The following CTSB variants were observed in gnomAD, a reference collection of about 807,000 sequenced individuals.
CTSB encodes the protein APP secretase.
A neutral mutation model predicts 44.3 loss-of-function variants in CTSB; 57 were observed. That is an observed-to-expected ratio of 1.29 (90% confidence interval 1.04 to 1.60). The LOEUF (loss-of-function observed/expected upper bound fraction) is 1.60, where lower values mean the gene tolerates loss of function less well. Among genes scored for constraint, CTSB ranks in the 40% most tolerant of loss-of-function variants. CTSB has a pLI of 0.00. For missense variants in CTSB, 768 were observed against 443.0 expected (o/e 1.73, Z -6.59); for synonymous variants, 320 against 168.0 (o/e 1.91, Z -7.00).
At chr8:11,860,077 A>T (rs973238561) in intron 1 of CTSB, among the ~76,000 whole-genome samples, 2 of 152,062 alleles carry the variant, frequency 1.3e-5, no homozygotes, top group Non-Finnish European at 2.9e-5. Flanking sequence ...GTCTCAGAGA[A>T]AAAAAAAGAA....
intron 1 of CTSB, chr8:11,865,621 G>A (rs903930534): frequency 9.3e-5 from 14 of 150,908 alleles, no homozygotes; most frequent in African/African-American, 2.4e-4. Flanking sequence ...AAGAAGAATC[G>A]ACATACCTGT....
chr8:11,858,915 T>C, intron 1 of CTSB, among the ~76,000 whole-genome samples: 1 of 152,234 alleles, frequency 6.6e-6, no homozygotes, highest in East Asian at 1.9e-4. Context: ...TTCTGTGCTT[T>C]CTGCTCTGCT....
intron 4 of CTSB, among the ~76,000 whole-genome samples, chr8:11,850,440 AAGAAAG>A (rs1814362279): frequency 3.7e-4 from 20 of 53,480 alleles, no homozygotes; most frequent in Admixed American, 3.6e-3. Flanking sequence ...AAAAAAAAAA[AAGAAAG>A]AAAAAGAAAA....
chr8:11,855,395 G>A (rs2150420461), intron 1 of CTSB, among the ~76,000 whole-genome samples: 1 of 152,326 alleles, frequency 6.6e-6, no homozygotes, highest in Admixed American at 6.5e-5. Flanking sequence ...GGTGGCTGAT[G>A]CCTATAATCC....
In CTSB at chr8:11,845,128, G is replaced by A; in HGVS notation, c.1017C>T (p.Ile339=). The part of the protein sequence containing the change: ...IPRTDQYWEK[I] ...GGCACGACAGGCCCACGGCAGATTA[G>A]ATCTTTTCCCAGTACTGATCGGTGC... Residue 339 remains isoleucine (I), a synonymous_variant, in exon 10 of 10, where the codon ATC becomes ATT. Transcript: ENST00000353047. 9.9e-6 allele frequency: 16 copies of A among 1,610,522 alleles called. No individual in the cohort carries two copies. Among genetic ancestry groups the A allele is most frequent in the Non-Finnish European group, 1.4e-5 (16 of 1,176,670 alleles).
In CTSB at chr8:11,847,694, G is replaced by C. The variant is rs767684959; in HGVS notation, c.661C>G (p.Gln221Glu). The C allele has an allele frequency of 6.4e-7, 1 of 1,574,000 alleles. No individual in the cohort carries two copies. Among genetic ancestry groups the C allele is most frequent in the Non-Finnish European group, 8.6e-7 (1 of 1,162,804 alleles). Residue 221 changes from glutamine (Q) to glutamate (E), a missense_variant, in exon 7 of 10, where the codon CAG (glutamine) becomes GAG (glutamate). Physicochemically the swap from Gln to Glu is conservative, Grantham distance 29 (BLOSUM62 2). Transcript: ENST00000353047. ...GGCCCCTTACCGTAGTGCTTGTCCT[G>C]TTTGTAGGTCGGGCTGTAGCCAGGC... is the stretch of plus-strand genomic sequence containing the variant. ...CEPGYSPTYK[Q>E]DKHYGYNSYS...
chr8:11,860,323 T>C (rs1186515616), intron 1 of CTSB, among the ~76,000 whole-genome samples: 3 of 151,970 alleles, frequency 2.0e-5, no homozygotes, highest in Non-Finnish European at 4.4e-5. Flanking sequence ...CATAGTCAGC[T>C]CTAAAGAATT....
At chr8:11,856,819 G>T (rs1380079751) in intron 1 of CTSB, among the ~76,000 whole-genome samples, 1 of 151,250 alleles carries the variant, frequency 6.6e-6, no homozygotes, top group Non-Finnish European at 1.5e-5. Flanking sequence ...CACTACGGTG[G>T]GGAGACTTTT....
intron 7 of CTSB, among the ~76,000 whole-genome samples, 184 bp from the exon 8 acceptor site, chr8:11,847,352 G>A (rs1311649536): frequency 1.3e-5 from 2 of 152,162 alleles, no homozygotes; most frequent in Non-Finnish European, 2.9e-5. Flanking sequence ...GGGGCTGGAA[G>A]CTCAGAAATG....
chr8:11,855,168 T>A (rs1348294731), intron 1 of CTSB, among the ~76,000 whole-genome samples: 1 of 152,154 alleles, frequency 6.6e-6, no homozygotes, highest in Non-Finnish European at 1.5e-5. Context: ...ATTACAGGCA[T>A]GTGCCATCAT....
chr8:11,862,534 T>G (rs1016882987), intron 1 of CTSB: 3 of 152,224 alleles, frequency 2.0e-5, no homozygotes, highest in Non-Finnish European at 2.9e-5. Flanking sequence ...GCCTTAAAAG[T>G]TGATTTGTTC....
In CTSB at chr8:11,843,944, A is replaced by C. The variant is rs1415399892; in HGVS notation, c.*1181T>G. On this transcript the variant is annotated 3_prime_UTR_variant, in exon 10 of 10. Transcript: ENST00000353047. Reference sequence around the variant, plus strand: ...CTACTCGGAAGGCTGAAGCAGGAGAATCGCTTGAATCTAGGAGGCTGCAGG... The same window carrying C: ...CTACTCGGAAGGCTGAAGCAGGAGACTCGCTTGAATCTAGGAGGCTGCAGG... 1 of 152,268 alleles carries C rather than the reference A, an allele frequency of 6.6e-6. No individual in the cohort carries two copies. Among genetic ancestry groups the C allele is most frequent in the African/African-American group, 2.4e-5 (1 of 41,478 alleles). 9.4% of individuals were successfully genotyped at this position (152,268 alleles called of 1,614,324 possible). A position where few individuals can be genotyped will look rare whatever the true frequency, so the allele number is the denominator to read the frequency against.
intron 3 of CTSB, among the ~76,000 whole-genome samples, chr8:11,851,749 C>G (rs989193532): frequency 2.6e-5 from 4 of 152,052 alleles, no homozygotes; most frequent in African/African-American, 9.7e-5. Context: ...TCACCGCAAC[C>G]TCTGCCTCCC....
intron 5 of CTSB, 87 bp downstream of exon 5, chr8:11,848,959 G>C: frequency 2.1e-6 from 2 of 944,120 alleles, no homozygotes; most frequent in South Asian, 1.4e-5. Flanking sequence ...AGCAGTCCCA[G>C]GAAGTCCTCA....
chr8:11,845,003 T>C lies in CTSB; in HGVS notation c.*122A>G. 2 of 688,430 alleles carry C rather than the reference T, an allele frequency of 2.9e-6. No individual in the cohort carries two copies. Among genetic ancestry groups the C allele is most frequent in the Admixed American group, 4.5e-5 (2 of 44,622 alleles). The allele number at this position is 688,430 out of a possible 1,614,324, so 42.6% of individuals were successfully genotyped here. On this transcript the variant is annotated 3_prime_UTR_variant, in exon 10 of 10. Coordinates refer to ENST00000353047, the MANE Select transcript of CTSB (RefSeq NM_001908.5). The stretch of plus-strand genomic sequence containing the variant: ...TGGTCTCCTTGGAAGACAGGTCTGA[T>C]GTTTGGCCAATCCAGTCCTTCAGAC...
At chr8:11,852,785 AC>A in intron 2 of CTSB, 90 bp from the exon 3 acceptor site, 1 of 1,256,386 alleles carries the variant, frequency 8.0e-7, no homozygotes, top group Non-Finnish European at 1.1e-6. Flanking sequence ...CCCAGGGAAA[AC>A]CAGAGACCCT....
chr8:11,863,425 C>G (rs760736952), intron 1 of CTSB, among the ~76,000 whole-genome samples: 1 of 151,946 alleles, frequency 6.6e-6, no homozygotes, highest in Non-Finnish European at 1.5e-5. Context: ...CACCACTGCA[C>G]TCCAGCCTGG....
At chr8:11,853,687 C>A in intron 1 of CTSB, 1 of 493,294 alleles carries the variant, frequency 2.0e-6, no homozygotes, top group Non-Finnish European at 3.6e-6. Flanking sequence ...GGGGGCCAGG[C>A]GGCCAGAGCC....
In CTSB at chr8:11,844,057, G is replaced by C. The variant is rs1427056292; in HGVS notation, c.*1068C>G. 4 of 152,150 alleles carry C rather than the reference G, an allele frequency of 2.6e-5. No homozygotes were observed. Among genetic ancestry groups the C allele is most frequent in the Admixed American group, 6.5e-5 (1 of 15,274 alleles). The allele number at this position is 152,150 out of a possible 1,614,324, so 9.4% of individuals were successfully genotyped here. On this transcript the variant is annotated 3_prime_UTR_variant, in exon 10 of 10. Coordinates refer to ENST00000353047, the MANE Select transcript of CTSB (RefSeq NM_001908.5). ...GTCACAACAACAACAAAAAAATAGA[G>C]CACAGCTATGTTTTGAGTTCTTAAG...
Sources: allele counts gnomAD v4.1 joint callset (sites outside exome capture counted in the v4.1 genomes callset), GRCh38; gene constraint gnomAD v4.1.1; transcripts MANE v1.5; gene names NCBI Gene and HGNC (gene_info 2026-07-23, HGNC 2026-07-21).